Variants in GALNT13 observed in about 807,000 individuals in gnomAD.
GALNT13 encodes the protein UDP-GalNAc:polypeptide N-acetylgalactosaminyltransferase 13.
GALNT13 carries 28 observed loss-of-function variants against 64.2 expected under a neutral mutation model. The observed-to-expected ratio is 0.44, with a 90% CI of 0.32 to 0.60. GALNT13 has a LOEUF of 0.60. GALNT13 is among the 20% of genes least tolerant of loss of function. The pLI is 0.05. For synonymous variants in GALNT13, 214 were observed against 224.6 expected, an observed-to-expected ratio of 0.95 and a Z score of 0.42; for missense variants, 577 against 669.8, an observed-to-expected ratio of 0.86 and a Z score of 1.53.
At chr2:154,105,097 G>A (rs72870399) in intron 3 of GALNT13, among the ~76,000 whole-genome samples, 9,816 of 152,046 alleles carry the variant, frequency 0.065, 429 homozygotes, top group Middle Eastern at 0.13. Flanking sequence ...GGTTCCTTGC[G>A]GATCAGTCTG....
At chr2:153,982,161 A>G (rs1014566180) in intron 3 of GALNT13, among the ~76,000 whole-genome samples, 2 of 152,154 alleles carry the variant, frequency 1.3e-5, no homozygotes, top group African/African-American at 4.8e-5. Context: ...GAACAAACAC[A>G]GTACCAACAT....
chr2:154,349,319 C>A (rs1696253534), intron 9 of GALNT13, among the ~76,000 whole-genome samples: 1 of 152,160 alleles, frequency 6.6e-6, no homozygotes, highest in Admixed American at 6.5e-5. Context: ...ACTGTTTTAA[C>A]TGGTTTACAA....
the GALNT13 span, among the ~76,000 whole-genome samples, chr2:153,811,480 A>G: frequency 6.6e-6 from 1 of 152,116 alleles, no homozygotes. Context: ...TCCTTTATAT[A>G]TGTCTTATTT....
At chr2:153,561,653 G>GTGTGTGTGTA in the GALNT13 span, among the ~76,000 whole-genome samples, 1 of 151,800 alleles carries the variant, frequency 6.6e-6, no homozygotes, top group African/African-American at 2.4e-5. Context: ...GTGTGTGTGT[G>GTGTGTGTGTA]TGTGTGTGTG....
chr2:154,408,548 A>G (rs923692007), intron 10 of GALNT13, among the ~76,000 whole-genome samples: 5 of 152,222 alleles, frequency 3.3e-5, no homozygotes, highest in Admixed American at 2.0e-4. Context: ...AAAGAACATA[A>G]ATTTCAATAT....
At chr2:153,129,077 T>C in the GALNT13 span, among the ~76,000 whole-genome samples, 2 of 152,146 alleles carry the variant, frequency 1.3e-5, no homozygotes, top group Admixed American at 1.3e-4. Context: ...AGCACACATG[T>C]TGGGAATCCA....
At chr2:154,361,048 T>G (rs1387534066) in intron 9 of GALNT13, among the ~76,000 whole-genome samples, 5 of 151,840 alleles carry the variant, frequency 3.3e-5, no homozygotes, top group African/African-American at 1.2e-4. Context: ...ATGGAGTGAG[T>G]GGTGGGGAAG....
At chr2:153,097,418 A>G in the GALNT13 span, among the ~76,000 whole-genome samples, 1 of 152,086 alleles carries the variant, frequency 6.6e-6, no homozygotes, top group Non-Finnish European at 1.5e-5. Context: ...GGAGCTTTCT[A>G]TTGTGCCATC....
intron 4 of GALNT13, among the ~76,000 whole-genome samples, chr2:154,160,219 G>C (rs1406083460): frequency 2.0e-5 from 3 of 152,086 alleles, no homozygotes; most frequent in Admixed American, 6.6e-5. Flanking sequence ...CTCCAATGCG[G>C]CATGCATTTA....
At chr2:154,349,947 G>T (rs1696297459) in intron 9 of GALNT13, among the ~76,000 whole-genome samples, 2 of 152,322 alleles carry the variant, frequency 1.3e-5, no homozygotes, top group South Asian at 4.1e-4. Context: ...ATTAGACTGT[G>T]CAGTTCAAAA....
At chr2:153,824,473 C>T in the GALNT13 span, among the ~76,000 whole-genome samples, 1 of 152,086 alleles carries the variant, frequency 6.6e-6, no homozygotes, top group African/African-American at 2.4e-5. Context: ...ACCAAGGAAT[C>T]CACATTTGTT....
chr2:153,222,914 C>T, the GALNT13 span, among the ~76,000 whole-genome samples: 6 of 152,070 alleles, frequency 3.9e-5, no homozygotes, highest in Non-Finnish European at 7.4e-5. Flanking sequence ...TCCAGAGAGG[C>T]GGCTGGGAAA....
chr2:153,083,798 T>C, the GALNT13 span, among the ~76,000 whole-genome samples: 1 of 152,252 alleles, frequency 6.6e-6, no homozygotes, highest in African/African-American at 2.4e-5. Context: ...TTCTTGCTCA[T>C]GAAATCTTTG....
chr2:154,440,689 C>T (rs1019663008), intron 12 of GALNT13, among the ~76,000 whole-genome samples: 1 of 151,840 alleles, frequency 6.6e-6, no homozygotes, highest in Admixed American at 6.6e-5. Context: ...TAATTAAATT[C>T]TCTTATATGT....
chr2:154,446,726 T>C (rs1237491668), intron 12 of GALNT13: 11 of 1,544,304 alleles, frequency 7.1e-6, no homozygotes, highest in Middle Eastern at 3.4e-4. Flanking sequence ...GAAATATTTT[T>C]GGGAATTCTA....
intron 3 of GALNT13, among the ~76,000 whole-genome samples, chr2:154,056,932 A>G (rs779906568): frequency 5.9e-5 from 9 of 151,942 alleles, no homozygotes; most frequent in Non-Finnish European, 1.3e-4. Context: ...ATTTCTACTT[A>G]TGTTTTTCAT....
the GALNT13 span, among the ~76,000 whole-genome samples, chr2:153,323,686 C>T: frequency 6.6e-6 from 1 of 152,094 alleles, no homozygotes; most frequent in Non-Finnish European, 1.5e-5. Flanking sequence ...GGAAGGGGTC[C>T]AGTTTCAATT....
chr2:153,299,625 T>C, the GALNT13 span, among the ~76,000 whole-genome samples: 312 of 152,304 alleles, frequency 2.0e-3, 2 homozygotes, highest in African/African-American at 7.3e-3. Context: ...CTTTTCCTCT[T>C]TCTCTTTGGA....
the GALNT13 span, among the ~76,000 whole-genome samples, chr2:153,796,720 A>G: frequency 1.3e-5 from 2 of 152,178 alleles, no homozygotes. Flanking sequence ...GTACATATCC[A>G]TAGAAGTTTG....
Sources: allele counts gnomAD v4.1 joint callset (sites outside exome capture counted in the v4.1 genomes callset), GRCh38; gene constraint gnomAD v4.1.1; transcripts MANE v1.5; gene names NCBI Gene and HGNC (gene_info 2026-07-23, HGNC 2026-07-21).